Variants in SEC61A1 observed in about 807,000 individuals in gnomAD.
SEC61A1 encodes SEC61 translocon subunit alpha 1, also known as protein transport protein Sec61 subunit alpha isoform 1.
A neutral mutation model predicts 55.2 loss-of-function variants in SEC61A1; 15 were observed. The observed-to-expected ratio is 0.27, with a 90% confidence interval of 0.18 to 0.42. The LOEUF is 0.42. SEC61A1 is among the 10% of genes least tolerant of loss of function. The pLI is 1.00. For synonymous variants in SEC61A1, 247 were observed against 234.0 expected (o/e 1.06, Z -0.51); for missense variants, 284 against 602.6 (o/e 0.47, Z 5.53).
intron 8 of SEC61A1, among the ~76,000 whole-genome samples, chr3:128,065,470 C>G (rs981461707): frequency 6.6e-6 from 1 of 152,140 alleles, no homozygotes; most frequent in Non-Finnish European, 1.5e-5. Flanking sequence ...ATCTCTTAAA[C>G]TTGCTTCTGA....
rs1941919591 is a variant in SEC61A1 at position 128,064,998 on chromosome 3, C to T, written c.738C>T (p.Ile246=). The T allele has an allele frequency of 3.1e-6, 5 of 1,614,252 alleles. No individual in the cohort carries two copies. The highest frequency in any genetic ancestry group is 1.1e-5 in the South Asian group (1 of 91,080). Residue 246 remains isoleucine, a synonymous_variant, in exon 8 of 12, where the codon ATC becomes ATT. Transcript: ENST00000243253. ...ATCTTCCCAACCTCATGAATCTCAT[C>T]GCCACCATCTTTGTCTTTGCAGTGG... is the stretch of plus-strand genomic sequence containing the variant. ...RQNLPNLMNL[I]ATIFVFAVVI... is the part of the protein sequence containing the mutation.
At chr3:128,052,959 A>C in intron 2 of SEC61A1, 57 bp downstream of exon 2, 2 of 1,360,434 alleles carry the variant, frequency 1.5e-6, no homozygotes, top group Admixed American at 3.9e-5. Flanking sequence ...GGACTCTGGA[A>C]GTTTACAGTA....
intron 7 of SEC61A1, among the ~76,000 whole-genome samples, chr3:128,062,005 C>T (rs565880341): frequency 1.3e-4 from 20 of 152,270 alleles, no homozygotes; most frequent in South Asian, 6.2e-4. Flanking sequence ...CAGCTAGGTG[C>T]GTGCAGCAGT....
In SEC61A1 at chr3:128,056,814, G is replaced by T; in HGVS notation, c.326G>T (p.Arg109Leu). Residue 109 changes from arginine to leucine, a missense_variant, in exon 5 of 12, where the codon CGA becomes CTA. Transcript: ENST00000243253. ...GAAGTTGGTGACACCCCAAAAGACC[G>T]AGCTCTCTTCAACGGAGCCCAAAAG... ...IIEVGDTPKD[R>L]ALFNGAQKLF... 6.2e-7 allele frequency: 1 copy of T among 1,607,700 alleles called. No homozygotes were observed. The highest frequency in any genetic ancestry group is 1.1e-5 in the South Asian group (1 of 90,034).
At position 128,060,486 on chromosome 3, in the gene SEC61A1, T is replaced by C. The variant is rs145900211; in HGVS notation, c.463-22T>C. ...CCGTGGGGAGCAGTAACACATAGTC[T>C]TGTATTTTTGAATTTTTACAGCTCT... On this transcript the variant is annotated intron_variant, in intron 6 of 11. Transcript: ENST00000243253. 119 of 1,613,494 alleles carry C rather than the reference T, an allele frequency of 7.4e-5. No homozygotes were observed. The East Asian group carries it at 2.3e-3, about 31-fold the overall frequency.
intron 8 of SEC61A1, among the ~76,000 whole-genome samples, chr3:128,065,797 C>T (rs907811125): frequency 8.8e-5 from 11 of 124,920 alleles, no homozygotes; most frequent in South Asian, 2.5e-4. Context: ...AGTGCAGTGG[C>T]GCGATCTCGA....
At chr3:128,059,794 C>T (rs1004802533) in intron 5 of SEC61A1, among the ~76,000 whole-genome samples, 3 of 152,148 alleles carry the variant, frequency 2.0e-5, no homozygotes, top group African/African-American at 7.2e-5. Context: ...GTTCTACTCC[C>T]TGATTTTCTT....
Position 128,069,722 on chromosome 3 carries a change from C to T in SEC61A1, c.*60C>T. On this transcript the variant is annotated 3_prime_UTR_variant, in exon 12 of 12. Transcript: ENST00000243253. ...AGAAGCGCCTCGGAAGGGGAGCTCT[C>T]ATCATGGCGCGTGCTGCTGCGGCAT... 7.0e-7 allele frequency: 1 copy of T among 1,436,046 alleles called. No homozygotes were observed. Among genetic ancestry groups the T allele is most frequent in the Non-Finnish European group, 9.7e-7 (1 of 1,027,742 alleles). 89.0% of individuals were successfully genotyped at this position (1,436,046 alleles called of 1,614,324 possible).
intron 2 of SEC61A1, 76 bp from the exon 3 acceptor site, chr3:128,055,440 G>T: frequency 2.6e-6 from 3 of 1,144,876 alleles, no homozygotes; most frequent in Middle Eastern, 2.3e-4. Flanking sequence ...AGAGAAAGGG[G>T]TCTGATTGGA....
chr3:128,051,836 T>A (rs1276779232), upstream of SEC61A1: 2 of 1,535,642 alleles, frequency 1.3e-6, no homozygotes, highest in Non-Finnish European at 1.7e-6. Flanking sequence ...TCCCATTCGT[T>A]CTCAGATGGA....
chr3:128,056,855 G>T lies in SEC61A1; in HGVS notation c.352+15G>T. On this transcript the variant is annotated intron_variant, in intron 5 of 11. Transcript: ENST00000243253. The stretch of plus-strand genomic sequence containing the variant: ...AGCCCAAAAGTGTAAGAAAGATTGT[G>T]AATAATCTGATGTCTATAGTTGGAA... 1 of 1,541,006 alleles carries T rather than the reference G, an allele frequency of 6.5e-7. No individual in the cohort carries two copies. The highest frequency in any genetic ancestry group is 1.3e-5 in the South Asian group (1 of 78,276).
chr3:128,065,298 G>A lies in SEC61A1; in HGVS notation c.777+261G>A, dbSNP rs7636632. ...TCTTCTGGGTTGGGCCTATCGACAGGTAAGATACATTTTTAAGTTCTTAGT... is the reference window on the plus strand; with the variant it reads ...TCTTCTGGGTTGGGCCTATCGACAGATAAGATACATTTTTAAGTTCTTAGT... On this transcript the variant is annotated intron_variant, in intron 8 of 11. Transcript: ENST00000243253. 3,373 of 596,692 alleles carry A rather than the reference G, an allele frequency of 5.7e-3. 79 individuals are homozygous for A. Among genetic ancestry groups the A allele is most frequent in the African/African-American group, 0.056 (3,010 of 53,938 alleles). 37.0% of individuals were successfully genotyped at this position (596,692 alleles called of 1,614,324 possible). A position where few individuals can be genotyped will look rare whatever the true frequency, so the allele number is the denominator to read the frequency against.
chr3:128,065,898 C>G (rs1262271970), intron 8 of SEC61A1, among the ~76,000 whole-genome samples: 1 of 151,870 alleles, frequency 6.6e-6, no homozygotes, highest in Non-Finnish European at 1.5e-5. Context: ...CCTGTCACCA[C>G]GCCCGGCTAA....
rs972605740 is a variant in SEC61A1 at position 128,055,410 on chromosome 3, T to C, written c.76-106T>C. The C allele has an allele frequency of 3.3e-5, 29 of 874,392 alleles. No homozygotes were observed. In the East Asian group the frequency reaches 7.0e-4, roughly 21 times the overall value. The allele number at this position is 874,392 out of a possible 1,614,324, so 54.2% of individuals were successfully genotyped here. On this transcript the variant is annotated intron_variant, in intron 2 of 11. Transcript: ENST00000243253. ...CTTCTCTGCTGAACAGAGAAAAGAGTCTGGTTGGAGTCCATTTTTAGAGAA... is the reference window on the plus strand; with the variant it reads ...CTTCTCTGCTGAACAGAGAAAAGAGCCTGGTTGGAGTCCATTTTTAGAGAA...
At chr3:128,053,333 A>G (rs1201288202) in intron 2 of SEC61A1, among the ~76,000 whole-genome samples, 1 of 152,178 alleles carries the variant, frequency 6.6e-6, no homozygotes, top group African/African-American at 2.4e-5. Flanking sequence ...TTTAGTATTT[A>G]CAAATGATTT....
chr3:128,055,864 G>C (rs1941762355), intron 4 of SEC61A1, 113 bp downstream of exon 4: 1 of 862,696 alleles, frequency 1.2e-6, no homozygotes, highest in African/African-American at 1.7e-5. Context: ...TTGGAAAATA[G>C]AGTGAAGAAT....
rs779539434 is a variant in SEC61A1 at position 128,069,936 on chromosome 3, A to C, written c.*274A>C. 9 of 352,370 alleles carry C rather than the reference A, an allele frequency of 2.6e-5. 1 individual carries two copies. In the South Asian group the frequency reaches 4.3e-4, roughly 17 times the overall value. 21.8% of individuals were successfully genotyped at this position (352,370 alleles called of 1,614,324 possible). A position where few individuals can be genotyped will look rare whatever the true frequency, so the allele number is the denominator to read the frequency against. On this transcript the variant is annotated 3_prime_UTR_variant, in exon 12 of 12. Transcript: ENST00000243253. The stretch of plus-strand genomic sequence containing the variant: ...TAGGATTGTCCCCAAGTGTCCATGT[A>C]ACTTTTGTTTTAACCTTTGCACCTT...
intron 2 of SEC61A1, among the ~76,000 whole-genome samples, chr3:128,054,991 A>C (rs1375907957): frequency 6.6e-6 from 1 of 152,184 alleles, no homozygotes; most frequent in East Asian, 1.9e-4. Flanking sequence ...CTTCCCCAAT[A>C]TGGTTTATTA....
At chr3:128,052,425 C>A, upstream of SEC61A1, 2 of 1,253,502 alleles carry the variant, frequency 1.6e-6, no homozygotes, top group African/African-American at 1.6e-5. Flanking sequence ...CGCTTGCCGC[C>A]GGGCTAGCAC....
Sources: gnomAD v4.1 joint callset for allele counts (sites outside exome capture counted in the v4.1 genomes callset) on GRCh38, gnomAD v4.1.1 for gene constraint, MANE v1.5 for transcripts, NCBI Gene and HGNC (gene_info 2026-07-23, HGNC 2026-07-21) for gene names.